Variants in TENM2 observed in about 807,000 individuals in gnomAD.
TENM2 encodes teneurin transmembrane protein 2.
Under a neutral mutation model 245.2 loss-of-function variants are expected in TENM2, and 52 were observed. The ratio of observed to expected loss-of-function variants is 0.21; its 90% CI spans 0.17 to 0.27. The LOEUF (loss-of-function observed/expected upper bound fraction) is 0.27, where lower values mean the gene tolerates loss of function less well. Among genes scored for constraint, TENM2 ranks in the 10% least tolerant of loss-of-function variants. The pLI, the probability that TENM2 is intolerant of heterozygous loss-of-function variation, is 1.00. For missense variants in TENM2, 3,046 were observed against 3,666.8 expected, an observed-to-expected ratio of 0.83 and a Z score of 4.37; for synonymous variants, 1,363 against 1,438.9, an observed-to-expected ratio of 0.95 and a Z score of 1.19.
the TENM2 span, among the ~76,000 whole-genome samples, chr5:167,070,107 A>ATTATTTATTTATT: frequency 3.6e-5 from 2 of 54,962 alleles, no homozygotes; most frequent in African/African-American, 1.7e-4. Context: ...CATTTGACAA[A>ATTATTTATTTATT]TATTTATTTA....
At chr5:167,021,623 G>A in the TENM2 span, among the ~76,000 whole-genome samples, 2 of 152,220 alleles carry the variant, frequency 1.3e-5, no homozygotes, top group Admixed American at 6.5e-5. Flanking sequence ...GTATATAGCA[G>A]ATCTTTGTTC....
intron 2 of TENM2, among the ~76,000 whole-genome samples, chr5:167,568,507 G>A (rs971291569): frequency 4.9e-4 from 75 of 152,108 alleles, no homozygotes; most frequent in Middle Eastern, 3.4e-3. Flanking sequence ...ATAAAAACAC[G>A]CTGACTTCAT....
At chr5:167,892,772 A>G (rs1449885476) in intron 3 of TENM2, among the ~76,000 whole-genome samples, 1 of 152,146 alleles carries the variant, frequency 6.6e-6, no homozygotes, top group Admixed American at 6.5e-5. Flanking sequence ...CATTTGGACT[A>G]TTGTTACCCT....
chr5:167,887,535 C>T (rs11134476), intron 3 of TENM2, among the ~76,000 whole-genome samples: 72,968 of 152,078 alleles, frequency 0.48, 18,634 homozygotes, highest in Non-Finnish European at 0.56. Flanking sequence ...AAAAATACCA[C>T]AGGGCATGAT....
chr5:167,739,324 A>G (rs1276528019), intron 2 of TENM2, among the ~76,000 whole-genome samples: 1 of 152,206 alleles, frequency 6.6e-6, no homozygotes, highest in African/African-American at 2.4e-5. Flanking sequence ...AAGCCAAACC[A>G]GAATGGAAAT....
At position 167,916,729 on chromosome 5, in the gene TENM2, C is replaced by CA. The variant is rs1250104679; in HGVS notation, c.713-35851dup. On this transcript the variant is annotated intron_variant, in intron 3 of 28. Coordinates refer to ENST00000518659, the Ensembl canonical transcript of TENM2. ...GAGGAAGGGAGGGAGGCCCCAGAACCAAAAAAAATAAAAAATAAAGAAAAG... is the reference window on the plus strand; with the variant it reads ...GAGGAAGGGAGGGAGGCCCCAGAACCAAAAAAAAATAAAAAATAAAGAAAAG... Among the ~76,000 whole-genome samples, 95 of 151,512 alleles carry CA rather than the reference C, an allele frequency of 6.3e-4. 1 individual carries two copies. The highest frequency in any genetic ancestry group is 6.8e-3 in the Middle Eastern group (2 of 294).
Position 167,862,711 on chromosome 5 carries a change from A to G in TENM2, c.503-13275A>G, listed in dbSNP as rs150037375. Among the ~76,000 whole-genome samples, 561 of 152,318 alleles carry G rather than the reference A, an allele frequency of 3.7e-3. 2 individuals are homozygous for G. Among genetic ancestry groups the G allele is most frequent in the African/African-American group, 0.012 (515 of 41,566 alleles). On this transcript the variant is annotated intron_variant, in intron 2 of 28. Transcript: ENST00000518659. Reference sequence around the variant, plus strand: ...GCCTCTGCGGGGCCTGAAGAGAGACATTTGGAGGTTCATTCTGACCTTGAC... The same window carrying G: ...GCCTCTGCGGGGCCTGAAGAGAGACGTTTGGAGGTTCATTCTGACCTTGAC...
At chr5:168,028,283 A>G (rs1786802523) in intron 5 of TENM2, among the ~76,000 whole-genome samples, 1 of 152,200 alleles carries the variant, frequency 6.6e-6, no homozygotes, top group African/African-American at 2.4e-5. Flanking sequence ...CCACCCGGGA[A>G]TCACTGTGGT....
chr5:167,805,380 C>T (rs1057478956), intron 2 of TENM2, among the ~76,000 whole-genome samples: 5 of 152,230 alleles, frequency 3.3e-5, no homozygotes, highest in Admixed American at 2.6e-4. Context: ...AAGGTTCAGA[C>T]GCCTGTGTTT....
the TENM2 span, among the ~76,000 whole-genome samples, chr5:167,245,903 G>T: frequency 1.3e-5 from 2 of 152,126 alleles, no homozygotes; most frequent in Non-Finnish European, 2.9e-5. Context: ...AATATTCTTT[G>T]TCAGCCCTTG....
the TENM2 span, among the ~76,000 whole-genome samples, chr5:167,237,642 G>GT: frequency 1.4e-4 from 21 of 152,270 alleles, no homozygotes; most frequent in African/African-American, 4.1e-4. Flanking sequence ...TCAAGAAAGC[G>GT]TAAGTGTCAG....
chr5:168,159,106 T>C (rs1232522060), intron 12 of TENM2, among the ~76,000 whole-genome samples: 1 of 150,964 alleles, frequency 6.6e-6, no homozygotes, highest in Non-Finnish European at 1.5e-5. Context: ...ATTGCGCCAC[T>C]GCACTCCAGC....
At chr5:167,807,170 T>G (rs1766263266) in intron 2 of TENM2, among the ~76,000 whole-genome samples, 1 of 130,546 alleles carries the variant, frequency 7.7e-6, no homozygotes, top group South Asian at 2.5e-4. Flanking sequence ...GAAGAAGAAG[T>G]TTTTGTCAGT....
chr5:168,136,831 C>A lies in TENM2; in HGVS notation c.2422+9865C>A, dbSNP rs148783632. Among the ~76,000 whole-genome samples, 206 of 152,308 alleles carry A rather than the reference C, an allele frequency of 1.4e-3. 1 individual carries two copies. The highest frequency in any genetic ancestry group is 0.01 in the Middle Eastern group (3 of 294). On this transcript the variant is annotated intron_variant, in intron 12 of 28. Transcript: ENST00000518659. ...TCAGGACCCCTACCATTTAGATAAG[C>A]GGCTCTTAAAGAAAATCCTTTTCTC...
the TENM2 span, among the ~76,000 whole-genome samples, chr5:167,076,990 C>T: frequency 3.9e-5 from 6 of 152,026 alleles, no homozygotes; most frequent in Non-Finnish European, 1.5e-5. Flanking sequence ...CATACCCAGC[C>T]AATTTTTGTA....
intron 3 of TENM2, among the ~76,000 whole-genome samples, chr5:167,937,339 G>A (rs1025963633): frequency 7.9e-5 from 12 of 152,124 alleles, no homozygotes; most frequent in African/African-American, 2.2e-4. Flanking sequence ...AAATTTTCAC[G>A]TGCAGATTTT....
chr5:167,012,363 C>T, the TENM2 span, among the ~76,000 whole-genome samples: 2 of 152,192 alleles, frequency 1.3e-5, no homozygotes, highest in Non-Finnish European at 2.9e-5. Context: ...GATCCCTTGG[C>T]TCTTGGAGCT....
At chr5:167,324,673 A>G (rs565554412) in intron 1 of TENM2, among the ~76,000 whole-genome samples, 2 of 147,802 alleles carry the variant, frequency 1.4e-5, no homozygotes, top group African/African-American at 2.6e-5. Context: ...GAACAAGAGG[A>G]AAAAAAAACA....
the TENM2 span, among the ~76,000 whole-genome samples, chr5:167,143,804 A>G: frequency 6.6e-6 from 1 of 152,220 alleles, no homozygotes; most frequent in Non-Finnish European, 1.5e-5. Context: ...TTTTAAAAGA[A>G]CTAATTATAT....
Sources: gnomAD v4.1 joint callset for allele counts (sites outside exome capture counted in the v4.1 genomes callset) on GRCh38, gnomAD v4.1.1 for gene constraint, MANE v1.5 for transcripts, NCBI Gene and HGNC (gene_info 2026-07-23, HGNC 2026-07-21) for gene names.